Variants in CHSY3 observed in about 807,000 individuals in gnomAD.
CHSY3 encodes the protein chondroitin sulfate synthase 3.
In CHSY3, 35 loss-of-function variants were observed where a neutral mutation model predicts 67.2. That is an observed-to-expected ratio of 0.52 (90% CI 0.40 to 0.69). The LOEUF is 0.69. Among genes scored for constraint, CHSY3 ranks in the 30% least tolerant of loss-of-function variants. CHSY3 has a pLI of 0.00. For synonymous variants in CHSY3, 474 were observed against 434.7 expected, an observed-to-expected ratio of 1.09 and a Z score of -1.12; for missense variants, 1,069 against 1,138.5, an observed-to-expected ratio of 0.94 and a Z score of 0.88.
chr5:130,015,149 A>C lies in CHSY3; in HGVS notation c.1086+106789A>C, dbSNP rs148719022. 1.9e-3 allele frequency among the ~76,000 whole-genome samples: 286 copies of C among 152,140 alleles called. 4 individuals are homozygous for C. Among genetic ancestry groups the C allele is most frequent in the African/African-American group, 6.5e-3 (270 of 41,494 alleles). On this transcript the variant is annotated intron_variant, in intron 2 of 2. Transcript: ENST00000305031. ...TTTTTCTCATGAGATCTGATGGTTT[A>C]AAAGTGTGTGGCACTTCCCCCTTCA...
At chr5:129,923,941 G>C (rs1298065025) in intron 2 of CHSY3, among the ~76,000 whole-genome samples, 1 of 152,112 alleles carries the variant, frequency 6.6e-6, no homozygotes, top group Non-Finnish European at 1.5e-5. Flanking sequence ...AAATGTATTT[G>C]TTTTAAGTAA....
intron 2 of CHSY3, among the ~76,000 whole-genome samples, chr5:130,071,819 C>A (rs954553445): frequency 1.3e-5 from 2 of 151,964 alleles, no homozygotes; most frequent in Admixed American, 6.6e-5. Flanking sequence ...TACTAATTTA[C>A]AATCCCAGGT....
At position 130,185,660 on chromosome 5, in the gene CHSY3, C is replaced by G; in HGVS notation, c.2518C>G (p.Pro840Ala). 1.2e-6 allele frequency: 2 copies of G among 1,614,034 alleles called. No homozygotes were observed. The highest frequency in any genetic ancestry group is 1.7e-6 in the Non-Finnish European group (2 of 1,179,968). The change falls in exon 3 of 3, where the codon CCT becomes GCT. Residue 840 changes from proline to alanine, a missense_variant. Transcript: ENST00000305031. ...VHIFHPVHCD[P>A]NLDPKQYKMC... ...TATTTTCCATCCAGTTCATTGTGATCCTAACTTGGACCCTAAGCAGTATAA... is the reference window on the plus strand; with the variant it reads ...TATTTTCCATCCAGTTCATTGTGATGCTAACTTGGACCCTAAGCAGTATAA...
intron 2 of CHSY3, among the ~76,000 whole-genome samples, chr5:130,147,122 T>G (rs1239418156): frequency 6.6e-6 from 1 of 152,168 alleles, no homozygotes; most frequent in East Asian, 1.9e-4. Context: ...ATGGCAGTAC[T>G]GCTTGCCTTG....
chr5:130,122,976 C>T (rs1768100307), intron 2 of CHSY3, among the ~76,000 whole-genome samples: 1 of 151,876 alleles, frequency 6.6e-6, no homozygotes, highest in Non-Finnish European at 1.5e-5. Flanking sequence ...AGGTATTTCT[C>T]ATCTTTACAT....
At chr5:130,097,012 T>C (rs1337400107) in intron 2 of CHSY3, among the ~76,000 whole-genome samples, 2 of 152,280 alleles carry the variant, frequency 1.3e-5, no homozygotes, top group Non-Finnish European at 2.9e-5. Flanking sequence ...TGCTTCCAAG[T>C]GTCTAATTTG....
chr5:130,161,412 T>G (rs907356560), intron 2 of CHSY3, among the ~76,000 whole-genome samples: 1 of 152,194 alleles, frequency 6.6e-6, no homozygotes, highest in Non-Finnish European at 1.5e-5. Flanking sequence ...TTTTCAAGAT[T>G]TTTTTACCAG....
chr5:130,166,041 T>A (rs1303837129), intron 2 of CHSY3, among the ~76,000 whole-genome samples: 1 of 152,146 alleles, frequency 6.6e-6, no homozygotes, highest in African/African-American at 2.4e-5. Flanking sequence ...AACAGAGCCA[T>A]GAAAACAAAT....
intron 2 of CHSY3, among the ~76,000 whole-genome samples, chr5:129,910,837 T>C (rs1760513898): frequency 6.6e-6 from 1 of 152,054 alleles, no homozygotes; most frequent in South Asian, 2.1e-4. Context: ...TCAGTAAAGG[T>C]GAGATTTTAC....
rs1561557264 is a variant in CHSY3 at position 130,143,792 on chromosome 5, ATATATATATATATGTGTG to A, written c.1087-40423_1087-40406del. Among the ~76,000 whole-genome samples, 72 of 88,264 alleles carry A rather than the reference ATATATATATATATGTGTG, an allele frequency of 8.2e-4. 2 individuals are homozygous for A. Among genetic ancestry groups the A allele is most frequent in the East Asian group, 6.5e-3 (17 of 2,612 alleles). The allele number at this position is 88,264 out of a possible 152,430, so 57.9% of individuals were successfully genotyped here. ...TGTATATATATATATGTGTATATAT[ATATATATATATATGTGTG>A]TATATATATATATATATATATATAT... On this transcript the variant is annotated intron_variant, in intron 2 of 2. Coordinates refer to ENST00000305031, the MANE Select transcript of CHSY3 (RefSeq NM_175856.5).
At chr5:130,136,524 G>A (rs966689240) in intron 2 of CHSY3, among the ~76,000 whole-genome samples, 9 of 151,658 alleles carry the variant, frequency 5.9e-5, no homozygotes, top group South Asian at 2.1e-4. Flanking sequence ...AAAAGCTACT[G>A]AAATAGTCCA....
chr5:130,142,118 G>T (rs937866924), intron 2 of CHSY3, among the ~76,000 whole-genome samples: 1 of 152,112 alleles, frequency 6.6e-6, no homozygotes. Context: ...ACATAACTTT[G>T]CACTTTATAA....
intron 2 of CHSY3, among the ~76,000 whole-genome samples, chr5:130,014,163 A>G (rs893031796): frequency 6.6e-6 from 1 of 152,190 alleles, no homozygotes; most frequent in Non-Finnish European, 1.5e-5. Context: ...GGTCAAAGCC[A>G]TTCAAAAAGT....
At chr5:130,115,408 T>C (rs1298024940) in intron 2 of CHSY3, among the ~76,000 whole-genome samples, 1 of 152,166 alleles carries the variant, frequency 6.6e-6, no homozygotes, top group African/African-American at 2.4e-5. Flanking sequence ...ATAGTGTTTC[T>C]CCATCTTGTC....
chr5:130,126,820 A>G (rs1768307871), intron 2 of CHSY3, among the ~76,000 whole-genome samples: 2 of 152,198 alleles, frequency 1.3e-5, no homozygotes, highest in African/African-American at 4.8e-5. Flanking sequence ...AAGAATGAAA[A>G]GCATAAACCC....
intron 2 of CHSY3, among the ~76,000 whole-genome samples, chr5:130,125,464 C>T (rs1054201509): frequency 3.8e-5 from 4 of 106,520 alleles, no homozygotes; most frequent in Non-Finnish European, 5.8e-5. Context: ...GACAGACAGA[C>T]AGACAGATGG....
intron 2 of CHSY3, among the ~76,000 whole-genome samples, chr5:130,007,243 G>T (rs564223979): frequency 6.6e-6 from 1 of 152,102 alleles, no homozygotes; most frequent in Non-Finnish European, 1.5e-5. Flanking sequence ...TGTCACTGCT[G>T]TGAATTATAA....
chr5:129,927,387 T>C (rs1420345758), intron 2 of CHSY3, among the ~76,000 whole-genome samples: 1 of 152,046 alleles, frequency 6.6e-6, no homozygotes, highest in Non-Finnish European at 1.5e-5. Context: ...GAACTAAGTT[T>C]TGTGTTTGGG....
At chr5:130,092,873 G>A (rs984653670) in intron 2 of CHSY3, among the ~76,000 whole-genome samples, 4 of 152,254 alleles carry the variant, frequency 2.6e-5, no homozygotes, top group African/African-American at 9.6e-5. Flanking sequence ...GTAAGAAAGA[G>A]GAGTTGATCA....
Sources: allele counts gnomAD v4.1 joint callset (sites outside exome capture counted in the v4.1 genomes callset), GRCh38; gene constraint gnomAD v4.1.1; transcripts MANE v1.5; gene names NCBI Gene and HGNC (gene_info 2026-07-23, HGNC 2026-07-21).